The following EXOC4 variants were observed in gnomAD, a reference collection of about 807,000 sequenced individuals.
The protein encoded by EXOC4 is SEC8-like 1.
In EXOC4, 71 loss-of-function variants were observed where a neutral mutation model predicts 107.2. That is an observed-to-expected ratio of 0.66 (90% confidence interval 0.55 to 0.81). EXOC4 has a LOEUF of 0.81. Ranked by LOEUF, EXOC4 falls within the 30% of genes least tolerant of loss-of-function variation. The pLI is 0.00. For missense variants in EXOC4, 1,108 were observed against 1,189.6 expected, an observed-to-expected ratio of 0.93 and a Z score of 1.01; for synonymous variants, 456 against 441.2, an observed-to-expected ratio of 1.03 and a Z score of -0.42.
At position 133,388,983 on chromosome 7, in the gene EXOC4, C is replaced by T. The variant is rs944874837; in HGVS notation, c.1182+13981C>T. Among the ~76,000 whole-genome samples the T allele has an allele frequency of 3.3e-5, 5 of 152,186 alleles. 1 individual carries two copies. Among genetic ancestry groups the T allele is most frequent in the Middle Eastern group, 6.8e-3 (2 of 294 alleles). ...TTTTTGTCCTGTATCTTGGATCTGG[C>T]GCCTTGATCAGATTTAAGTTGATTT... On this transcript the variant is annotated intron_variant, in intron 7 of 17. Transcript: ENST00000253861.
chr7:133,616,699 A>T, intron 9 of EXOC4, among the ~76,000 whole-genome samples: 1 of 152,122 alleles, frequency 6.6e-6, no homozygotes, highest in East Asian at 1.9e-4. Context: ...GTCAGCTGCA[A>T]ATGATACCAG....
At chr7:133,741,783 G>A (rs902072317) in intron 10 of EXOC4, among the ~76,000 whole-genome samples, 1 of 152,144 alleles carries the variant, frequency 6.6e-6, no homozygotes, top group Non-Finnish European at 1.5e-5. Flanking sequence ...TTATGGATGA[G>A]TATCTATGAC....
At chr7:133,280,857 A>G (rs1438774671) in intron 2 of EXOC4, among the ~76,000 whole-genome samples, 3 of 152,206 alleles carry the variant, frequency 2.0e-5, no homozygotes, top group Non-Finnish European at 4.4e-5. Flanking sequence ...CAGCCCAAAT[A>G]TAAGATGCTG....
chr7:133,894,429 C>T (rs1345869122), intron 11 of EXOC4, among the ~76,000 whole-genome samples: 7 of 143,416 alleles, frequency 4.9e-5, no homozygotes, highest in Non-Finnish European at 4.5e-5. Flanking sequence ...TCTCTCAGCT[C>T]GTCAAAATCA....
intron 7 of EXOC4, among the ~76,000 whole-genome samples, chr7:133,430,174 A>T (rs775758369): frequency 5.0e-4 from 76 of 152,154 alleles, no homozygotes; most frequent in Non-Finnish European, 8.8e-5. Context: ...TGGAGTGGAA[A>T]GAGGATCTTC....
At chr7:133,267,853 C>T (rs1185596894) in intron 1 of EXOC4, among the ~76,000 whole-genome samples, 1 of 152,168 alleles carries the variant, frequency 6.6e-6, no homozygotes, top group Non-Finnish European at 1.5e-5. Flanking sequence ...CTCTCTAGAT[C>T]CTGCATCGCA....
intron 10 of EXOC4, among the ~76,000 whole-genome samples, chr7:133,632,461 A>G (rs985060867): frequency 2.0e-5 from 3 of 152,198 alleles, no homozygotes; most frequent in African/African-American, 7.2e-5. Context: ...CTTGGCCCAA[A>G]TTGCAACCTT....
chr7:133,473,686 C>T (rs1002180120), intron 7 of EXOC4, among the ~76,000 whole-genome samples: 3 of 151,748 alleles, frequency 2.0e-5, no homozygotes, highest in African/African-American at 7.3e-5. Context: ...TTCTTGAATG[C>T]ACCAATATTA....
At chr7:133,401,571 A>G (rs1158851490) in intron 7 of EXOC4, among the ~76,000 whole-genome samples, 2 of 151,792 alleles carry the variant, frequency 1.3e-5, no homozygotes, top group Non-Finnish European at 2.9e-5. Flanking sequence ...ATAAAGTGGA[A>G]GGATTGCTTG....
At chr7:133,673,208 C>T (rs13231483) in intron 10 of EXOC4, among the ~76,000 whole-genome samples, 1 of 152,136 alleles carries the variant, frequency 6.6e-6, no homozygotes, top group Non-Finnish European at 1.5e-5. Flanking sequence ...TTACTTTGCT[C>T]TTCTTTGGTT....
At chr7:133,515,406 T>A (rs1799854227) in intron 9 of EXOC4, among the ~76,000 whole-genome samples, 1 of 152,110 alleles carries the variant, frequency 6.6e-6, no homozygotes, top group African/African-American at 2.4e-5. Flanking sequence ...TATACATATA[T>A]ATACACGTGT....
chr7:134,001,563 A>G (rs1342932455), intron 15 of EXOC4, among the ~76,000 whole-genome samples: 2 of 152,144 alleles, frequency 1.3e-5, no homozygotes, highest in Non-Finnish European at 2.9e-5. Context: ...TGAAGGTCTC[A>G]TAAGCTCTCA....
chr7:133,370,588 G>A (rs1380382092), intron 6 of EXOC4, among the ~76,000 whole-genome samples: 2 of 152,168 alleles, frequency 1.3e-5, no homozygotes, highest in Non-Finnish European at 2.9e-5. Context: ...AAATGTGAGG[G>A]AGGTATGTAG....
intron 17 of EXOC4, among the ~76,000 whole-genome samples, chr7:134,040,048 C>T (rs1795478715): frequency 6.6e-6 from 1 of 152,132 alleles, no homozygotes; most frequent in Admixed American, 6.6e-5. Flanking sequence ...TCCTGTCAGC[C>T]CTTCATATCC....
intron 9 of EXOC4, chr7:133,576,665 T>G (rs1490599920): frequency 1.1e-5 from 14 of 1,289,468 alleles, no homozygotes; most frequent in Non-Finnish European, 1.4e-5. Flanking sequence ...AAAGAAACAA[T>G]CAGAAGTGAG....
At chr7:133,514,075 A>G (rs1350915172) in intron 9 of EXOC4, among the ~76,000 whole-genome samples, 1 of 152,112 alleles carries the variant, frequency 6.6e-6, no homozygotes, top group African/African-American at 2.4e-5. Flanking sequence ...CTTTACATGT[A>G]TTAATGGTAT....
the EXOC4 span, among the ~76,000 whole-genome samples, chr7:134,093,079 C>T: frequency 2.0e-5 from 3 of 151,998 alleles, no homozygotes; most frequent in Non-Finnish European, 2.9e-5. Context: ...CAAAACCTCG[C>T]ACGTAAATAT....
chr7:133,583,864 T>C (rs887954690), intron 9 of EXOC4, among the ~76,000 whole-genome samples: 1 of 152,080 alleles, frequency 6.6e-6, no homozygotes, highest in African/African-American at 2.4e-5. Context: ...TGTTAGGAGG[T>C]CTGAAGGTAA....
chr7:133,730,442 T>A (rs1272221530), intron 10 of EXOC4, among the ~76,000 whole-genome samples: 1 of 151,982 alleles, frequency 6.6e-6, no homozygotes, highest in Non-Finnish European at 1.5e-5. Flanking sequence ...TCTAACAGAT[T>A]AGTAAGATGG....
Sources: gnomAD v4.1 joint callset for allele counts (sites outside exome capture counted in the v4.1 genomes callset) on GRCh38, gnomAD v4.1.1 for gene constraint, MANE v1.5 for transcripts, NCBI Gene and HGNC (gene_info 2026-07-23, HGNC 2026-07-21) for gene names.